Variants in WIF1 observed in about 807,000 individuals in gnomAD.
WIF1 encodes Wnt inhibitory factor 1.
WIF1 carries 35 observed loss-of-function variants against 53.5 expected under a neutral mutation model. The ratio of observed to expected loss-of-function variants is 0.65; its 90% CI spans 0.50 to 0.87. WIF1 has a LOEUF of 0.87. WIF1 is among the 40% of genes least tolerant of loss of function. WIF1 has a pLI of 0.00. For synonymous variants in WIF1, 171 were observed against 170.4 expected, an observed-to-expected ratio of 1.00 and a Z score of -0.03; for missense variants, 467 against 476.8, an observed-to-expected ratio of 0.98 and a Z score of 0.19.
chr12:65,097,147 C>A (rs1252134362), intron 2 of WIF1, among the ~76,000 whole-genome samples: 1 of 150,602 alleles, frequency 6.6e-6, no homozygotes, highest in Non-Finnish European at 1.5e-5. Flanking sequence ...AACTGGGCCT[C>A]TTTTATTCAC....
Position 65,118,002 on chromosome 12 carries a change from T to G in WIF1, c.288+2415A>C, listed in dbSNP as rs144697106. 1.5e-3 allele frequency among the ~76,000 whole-genome samples: 229 copies of G among 152,302 alleles called. 1 individual carries two copies. Among genetic ancestry groups the G allele is most frequent in the Admixed American group, 3.1e-3 (48 of 15,298 alleles). ...TCTGTGGCCCAGAGGTTGGGGATCC[T>G]TCGTTACTGGACTAATAATTTATTG... On this transcript the variant is annotated intron_variant, in intron 2 of 9. Transcript: ENST00000286574.
At position 65,051,418 on chromosome 12, in the gene WIF1, C is replaced by G. The variant is rs1205990950; in HGVS notation, c.1071G>C (p.Arg357Ser). Residue 357 changes from arginine to serine, a missense_variant, in exon 10 of 10, where the codon AGG becomes AGC. By Grantham distance (110) the Arg-to-Ser change is moderately radical. Coordinates refer to ENST00000286574, the MANE Select transcript of WIF1 (RefSeq NM_007191.5). ...CCTTTTTAAGTGAAGGCGTGTGCTG[C>G]CTGAGCTGGGCGCCTGCTGGCCTCA... ...HALRPAGAQL[R>S]QHTPSLKKAE... The G allele has an allele frequency of 1.9e-6, 3 of 1,613,662 alleles. No homozygotes were observed. The highest frequency in any genetic ancestry group is 4.5e-5 in the East Asian group (2 of 44,856).
intron 7 of WIF1, among the ~76,000 whole-genome samples, chr12:65,059,344 TG>T (rs1592387296): frequency 6.6e-6 from 1 of 152,240 alleles, no homozygotes; most frequent in East Asian, 1.9e-4. Context: ...GATTTTTAAT[TG>T]TTTTCTCCAA....
chr12:65,074,996 G>A (rs996976001), intron 3 of WIF1, among the ~76,000 whole-genome samples: 5 of 151,920 alleles, frequency 3.3e-5, no homozygotes, highest in Admixed American at 1.3e-4. Context: ...TGGAATCAGC[G>A]TATCCACATC....
intron 2 of WIF1, among the ~76,000 whole-genome samples, chr12:65,117,398 T>C (rs917346889): frequency 1.1e-4 from 16 of 152,208 alleles, no homozygotes; most frequent in African/African-American, 3.6e-4. Flanking sequence ...TGAATCTCAC[T>C]GTAATTTTTA....
chr12:65,080,289 G>A (rs1882927715), intron 2 of WIF1, among the ~76,000 whole-genome samples: 1 of 152,158 alleles, frequency 6.6e-6, no homozygotes, highest in African/African-American at 2.4e-5. Flanking sequence ...CATTGTTTAA[G>A]TTAATTTATA....
chr12:65,068,927 G>T, intron 3 of WIF1, 23 bp from the exon 4 acceptor site: 1 of 1,609,078 alleles, frequency 6.2e-7, no homozygotes, highest in Non-Finnish European at 8.5e-7. Context: ...AAGAGAAAGT[G>T]TGGAGAAATA....
At chr12:65,076,045 T>C (rs952534508) in intron 3 of WIF1, among the ~76,000 whole-genome samples, 3 of 152,158 alleles carry the variant, frequency 2.0e-5, no homozygotes, top group African/African-American at 4.8e-5. Context: ...TTTATCTTTT[T>C]TGAGACTGAC....
intron 2 of WIF1, among the ~76,000 whole-genome samples, chr12:65,088,672 C>A (rs1883078514): frequency 6.6e-6 from 1 of 152,074 alleles, no homozygotes; most frequent in Non-Finnish European, 1.5e-5. Context: ...TTTTTAATGA[C>A]AAGTAACTTC....
intron 2 of WIF1, among the ~76,000 whole-genome samples, chr12:65,095,579 A>G (rs914383887): frequency 1.2e-4 from 18 of 151,910 alleles, no homozygotes; most frequent in African/African-American, 4.1e-4. Flanking sequence ...TCTTGCACAC[A>G]AAAAAAAGGA....
In WIF1 at chr12:65,051,260, G is replaced by A; in HGVS notation, c.*89C>T. ...AAAATTCAGGCCAGTATTCTTAAGT[G>A]TAATGAACATTATTTGAACATTCAA... On this transcript the variant is annotated 3_prime_UTR_variant, in exon 10 of 10. Transcript: ENST00000286574. 1 of 1,482,170 alleles carries A rather than the reference G, an allele frequency of 6.7e-7. No individual in the cohort carries two copies. Among genetic ancestry groups the A allele is most frequent in the Non-Finnish European group, 9.0e-7 (1 of 1,105,438 alleles). 91.8% of individuals were successfully genotyped at this position (1,482,170 alleles called of 1,614,324 possible).
intron 2 of WIF1, among the ~76,000 whole-genome samples, chr12:65,088,108 T>A (rs1297363770): frequency 6.6e-6 from 1 of 152,220 alleles, no homozygotes; most frequent in Non-Finnish European, 1.5e-5. Context: ...GGAGCACTGA[T>A]GATGACAAGC....
At chr12:65,074,178 ATTTTTTTAT>A (rs1465465241) in intron 3 of WIF1, among the ~76,000 whole-genome samples, 3 of 151,668 alleles carry the variant, frequency 2.0e-5, no homozygotes, top group Non-Finnish European at 2.9e-5. Context: ...TTTATTTTTT[ATTTTTTTAT>A]TTTTTTTATT....
chr12:65,055,932 C>A, intron 8 of WIF1, 99 bp downstream of exon 8: 1 of 1,042,046 alleles, frequency 9.6e-7, no homozygotes, highest in Non-Finnish European at 1.4e-6. Flanking sequence ...AACTGTGATG[C>A]CCAGGCAACA....
intron 7 of WIF1, among the ~76,000 whole-genome samples, chr12:65,058,564 C>T (rs12314633): frequency 0.014 from 2,116 of 152,224 alleles, 60 homozygotes; most frequent in African/African-American, 0.049. Flanking sequence ...GTTAGACATT[C>T]GAAAGCTATT....
intron 3 of WIF1, among the ~76,000 whole-genome samples, chr12:65,071,143 A>G (rs531551312): frequency 6.7e-6 from 1 of 149,240 alleles, no homozygotes; most frequent in East Asian, 2.0e-4. Context: ...CTGAGGCATG[A>G]GAATCACTTG....
At chr12:65,064,047 G>T (rs753954675) in intron 6 of WIF1, among the ~76,000 whole-genome samples, 1 of 152,162 alleles carries the variant, frequency 6.6e-6, no homozygotes, top group East Asian at 1.9e-4. Flanking sequence ...TATTGCTAAG[G>T]CTGGACAGTT....
chr12:65,095,947 C>A (rs1883197852), intron 2 of WIF1: 1 of 152,172 alleles, frequency 6.6e-6, no homozygotes, highest in African/African-American at 2.4e-5. Context: ...CCATTCAGGA[C>A]ATAGGCATGG....
intron 3 of WIF1, among the ~76,000 whole-genome samples, chr12:65,069,694 T>C (rs1026118056): frequency 2.0e-5 from 3 of 152,080 alleles, no homozygotes; most frequent in Non-Finnish European, 4.4e-5. Flanking sequence ...GTGTTGACAA[T>C]GAAGTCACAA....
Sources: allele counts gnomAD v4.1 joint callset (sites outside exome capture counted in the v4.1 genomes callset), GRCh38; gene constraint gnomAD v4.1.1; transcripts MANE v1.5; gene names NCBI Gene and HGNC (gene_info 2026-07-23, HGNC 2026-07-21).